INPP4B: variants seen among roughly 807,000 people sequenced by gnomAD.
The protein encoded by INPP4B is inositol polyphosphate-4-phosphatase type II B, also known as inositol polyphosphate 4-phosphatase type II.
In INPP4B, 55 loss-of-function variants were observed where a neutral mutation model predicts 122.5. That is an observed-to-expected ratio of 0.45 (90% CI 0.36 to 0.56). The LOEUF (loss-of-function observed/expected upper bound fraction) is 0.56. Ranked by LOEUF, INPP4B falls within the 20% of genes least tolerant of loss-of-function variation. INPP4B has a pLI of 0.00. For synonymous variants in INPP4B, 403 were observed against 388.7 expected (o/e 1.04, Z -0.43); for missense variants, 1,000 against 1,097.7 (o/e 0.91, Z 1.26).
intron 11 of INPP4B, among the ~76,000 whole-genome samples, chr4:142,252,378 C>T (rs1474219722): frequency 2.6e-5 from 4 of 151,616 alleles, no homozygotes; most frequent in East Asian, 3.9e-4. Context: ...TTAGTAGAGA[C>T]GGGGTTTCGC....
intron 2 of INPP4B, among the ~76,000 whole-genome samples, chr4:142,524,699 A>G (rs199599062): frequency 0.033 from 3,537 of 107,130 alleles, no homozygotes; most frequent in South Asian, 0.046. Context: ...ACTTCATGCT[A>G]AAAACTCTCA....
chr4:142,845,521 T>C (rs1784074947), intron 1 of INPP4B, among the ~76,000 whole-genome samples: 1 of 151,942 alleles, frequency 6.6e-6, no homozygotes, highest in African/African-American at 2.4e-5. Flanking sequence ...CGAGACCTCT[T>C]TGGGGAAGGA....
intron 2 of INPP4B, among the ~76,000 whole-genome samples, chr4:142,532,306 C>T (rs1827710055): frequency 6.6e-6 from 1 of 152,154 alleles, no homozygotes; most frequent in Non-Finnish European, 1.5e-5. Flanking sequence ...CCAGGAATAG[C>T]CCTGCTCCCT....
At chr4:142,803,434 C>T (rs548793626) in intron 1 of INPP4B, among the ~76,000 whole-genome samples, 78 of 151,228 alleles carry the variant, frequency 5.2e-4, no homozygotes, top group Non-Finnish European at 9.3e-4. Flanking sequence ...TTCTTTATTT[C>T]CTTGTTATAT....
intron 2 of INPP4B, among the ~76,000 whole-genome samples, chr4:142,613,408 A>T (rs1412506729): frequency 3.3e-5 from 5 of 152,202 alleles, no homozygotes; most frequent in Admixed American, 2.6e-4. Context: ...TGGAGATTAC[A>T]AAACTAAAAG....
chr4:142,716,124 C>T (rs950049843), intron 2 of INPP4B, among the ~76,000 whole-genome samples: 28 of 152,160 alleles, frequency 1.8e-4, no homozygotes, highest in Admixed American at 1.8e-3. Context: ...AGACACAAAC[C>T]CACTCAGGTT....
intron 1 of INPP4B, among the ~76,000 whole-genome samples, chr4:142,813,231 T>A (rs1779732764): frequency 6.6e-6 from 1 of 152,174 alleles, no homozygotes; most frequent in Admixed American, 6.6e-5. Flanking sequence ...TTCATAAACA[T>A]TATGTCATTT....
At chr4:142,641,907 C>T (rs1264052837) in intron 2 of INPP4B, among the ~76,000 whole-genome samples, 2 of 152,180 alleles carry the variant, frequency 1.3e-5, no homozygotes, top group African/African-American at 4.8e-5. Context: ...GTTCCTATTT[C>T]TCCACATCCT....
chr4:142,409,112 C>T lies in INPP4B; in HGVS notation c.137-3788G>A, dbSNP rs563895933. ...TGAGTAGCTGTGAGTGAGATGCCTA[C>T]AGGCATCCCCAGCTCATATTTGTAC... On this transcript the variant is annotated intron_variant, in intron 5 of 25. Coordinates refer to ENST00000262992, the MANE Select transcript of INPP4B (RefSeq NM_001101669.3). Among the ~76,000 whole-genome samples the T allele has an allele frequency of 4.6e-5, 7 of 152,248 alleles. No homozygotes were observed. In the South Asian group the frequency reaches 1.2e-3, roughly 27 times the overall value.
intron 2 of INPP4B, among the ~76,000 whole-genome samples, chr4:142,678,798 T>C (rs1359444397): frequency 1.3e-5 from 2 of 151,930 alleles, no homozygotes; most frequent in Non-Finnish European, 2.9e-5. Context: ...TTGGAGCATT[T>C]AGAAAGTTGA....
At position 142,323,748 on chromosome 4, in the gene INPP4B, C is replaced by CTT. The variant is rs200537355; in HGVS notation, c.373-8988_373-8987dup. Reference sequence around the variant, plus strand: ...GCGTGAGCCACAGCGCCCAGCAGATCTTTTTTTTTTTTTTAATGTCAAGCC... The same window carrying CTT: ...GCGTGAGCCACAGCGCCCAGCAGATCTTTTTTTTTTTTTTTTAATGTCAAGCC... On this transcript the variant is annotated intron_variant, in intron 7 of 25. Coordinates refer to ENST00000262992, the MANE Select transcript of INPP4B (RefSeq NM_001101669.3). 4.5e-3 allele frequency among the ~76,000 whole-genome samples: 642 copies of CTT among 143,266 alleles called. 8 individuals are homozygous for CTT. The highest frequency in any genetic ancestry group is 0.015 in the African/African-American group (599 of 39,158). 94.0% of individuals were successfully genotyped at this position (143,266 alleles called of 152,430 possible). A position where few individuals can be genotyped will look rare whatever the true frequency, so the allele number is the denominator to read the frequency against.
intron 10 of INPP4B, among the ~76,000 whole-genome samples, chr4:142,268,017 T>C (rs1032444765): frequency 2.0e-5 from 3 of 151,898 alleles, no homozygotes; most frequent in Non-Finnish European, 4.4e-5. Flanking sequence ...CATGTCAGAA[T>C]GACTATTATC....
intron 2 of INPP4B, among the ~76,000 whole-genome samples, chr4:142,675,110 C>A (rs1462835959): frequency 6.6e-6 from 1 of 151,884 alleles, no homozygotes; most frequent in Non-Finnish European, 1.5e-5. Flanking sequence ...AGACCACTAG[C>A]CAGACTAATA....
At chr4:142,232,597 C>G (rs906176948) in intron 12 of INPP4B, among the ~76,000 whole-genome samples, 1 of 151,676 alleles carries the variant, frequency 6.6e-6, no homozygotes, top group Non-Finnish European at 1.5e-5. Context: ...CCATGAAACA[C>G]AAAAATATAA....
intron 21 of INPP4B, 97 bp downstream of exon 21, chr4:142,122,031 T>C: frequency 1.3e-6 from 1 of 755,994 alleles, no homozygotes; most frequent in South Asian, 1.7e-5. Context: ...AAAAGAAATA[T>C]TCCCAAATCA....
At chr4:142,462,315 G>C (rs1816894233) in intron 3 of INPP4B, among the ~76,000 whole-genome samples, 1 of 152,114 alleles carries the variant, frequency 6.6e-6, no homozygotes, top group East Asian at 1.9e-4. Context: ...TGCACTGTAA[G>C]TACTGCCTGA....
At chr4:142,613,928 T>C (rs975577249) in intron 2 of INPP4B, among the ~76,000 whole-genome samples, 1 of 152,186 alleles carries the variant, frequency 6.6e-6, no homozygotes, top group Non-Finnish European at 1.5e-5. Context: ...GAGCCAAACT[T>C]CCACTGCATC....
intron 12 of INPP4B, among the ~76,000 whole-genome samples, chr4:142,214,706 T>C (rs1201837182): frequency 6.6e-6 from 1 of 152,022 alleles, no homozygotes; most frequent in African/African-American, 2.4e-5. Context: ...GCGCCTGCCA[T>C]CACGCCTGGC....
chr4:142,404,042 A>G (rs1478688672), intron 6 of INPP4B, among the ~76,000 whole-genome samples: 1 of 142,178 alleles, frequency 7.0e-6, no homozygotes, highest in Non-Finnish European at 1.6e-5. Flanking sequence ...CATTTTTAAA[A>G]TAACAGAATT....
Sources: gnomAD v4.1 joint callset for allele counts (sites outside exome capture counted in the v4.1 genomes callset) on GRCh38, gnomAD v4.1.1 for gene constraint, MANE v1.5 for transcripts, NCBI Gene and HGNC (gene_info 2026-07-23, HGNC 2026-07-21) for gene names.